Variants in LRRTM4 observed in about 807,000 individuals in gnomAD.
LRRTM4 encodes leucine-rich repeat transmembrane neuronal protein 4.
LRRTM4 carries 25 observed loss-of-function variants against 47.6 expected under a neutral mutation model. That is an observed-to-expected ratio of 0.53 (90% CI 0.38 to 0.73). The LOEUF is 0.73. Among genes scored for constraint, LRRTM4 ranks in the 30% least tolerant of loss-of-function variants. The pLI, the probability that LRRTM4 is intolerant of heterozygous loss-of-function variation, is 0.00. For missense variants in LRRTM4, 638 were observed against 713.4 expected (o/e 0.89, Z 1.20); for synonymous variants, 311 against 269.5 (o/e 1.15, Z -1.51).
At chr2:76,956,896 A>T (rs1675693172) in intron 3 of LRRTM4, among the ~76,000 whole-genome samples, 1 of 151,526 alleles carries the variant, frequency 6.6e-6, no homozygotes, top group Non-Finnish European at 1.5e-5. Flanking sequence ...TTACAAAGAA[A>T]ATTCTTAGCA....
chr2:76,813,919 G>C (rs148626064), intron 3 of LRRTM4, among the ~76,000 whole-genome samples: 1 of 151,270 alleles, frequency 6.6e-6, no homozygotes, highest in Admixed American at 6.6e-5. Context: ...ATTAAGTAAA[G>C]TTCATTTATA....
intron 3 of LRRTM4, among the ~76,000 whole-genome samples, chr2:76,770,435 T>C (rs758914952): frequency 2.0e-4 from 31 of 152,238 alleles, no homozygotes; most frequent in Admixed American, 6.5e-4. Flanking sequence ...CTTTCTGGAG[T>C]AGTGTAATGT....
intron 3 of LRRTM4, chr2:77,009,189 A>G (rs1453929910): frequency 6.6e-6 from 1 of 152,070 alleles, no homozygotes; most frequent in East Asian, 1.9e-4. Context: ...TTTATAGACA[A>G]CTCATGGACC....
chr2:76,852,531 A>AT (rs1281884838), intron 3 of LRRTM4, among the ~76,000 whole-genome samples: 1 of 152,084 alleles, frequency 6.6e-6, no homozygotes, highest in Admixed American at 6.6e-5. Flanking sequence ...CCTTGGATGC[A>AT]TTTTGCTATT....
intron 3 of LRRTM4, among the ~76,000 whole-genome samples, chr2:77,130,040 T>C (rs1359661701): frequency 6.6e-6 from 1 of 152,210 alleles, no homozygotes. Flanking sequence ...TGTGACATAC[T>C]AGGCTTAATC....
intron 3 of LRRTM4, among the ~76,000 whole-genome samples, chr2:77,050,275 A>G (rs1193662642): frequency 6.6e-6 from 1 of 152,046 alleles, no homozygotes; most frequent in Admixed American, 6.6e-5. Flanking sequence ...GGCAACCATG[A>G]GCTGGAGGTA....
chr2:76,979,136 A>T (rs1159878794), intron 3 of LRRTM4, among the ~76,000 whole-genome samples: 1 of 152,028 alleles, frequency 6.6e-6, no homozygotes, highest in African/African-American at 2.4e-5. Flanking sequence ...GAGTAATATA[A>T]AGATTCTAGC....
At chr2:77,185,061 C>A (rs1673463096) in intron 3 of LRRTM4, among the ~76,000 whole-genome samples, 1 of 152,250 alleles carries the variant, frequency 6.6e-6, no homozygotes, top group African/African-American at 2.4e-5. Context: ...ATTAATACTT[C>A]TGGCCTTTAC....
intron 3 of LRRTM4, among the ~76,000 whole-genome samples, chr2:76,843,115 A>G (rs547757395): frequency 3.9e-4 from 59 of 152,286 alleles, no homozygotes; most frequent in Middle Eastern, 6.8e-3. Flanking sequence ...TCCAAGTGAC[A>G]AACAGTTGAT....
At chr2:76,937,693 T>C (rs1258778190) in intron 3 of LRRTM4, among the ~76,000 whole-genome samples, 1 of 152,090 alleles carries the variant, frequency 6.6e-6, no homozygotes, top group Non-Finnish European at 1.5e-5. Context: ...CTCAGCCTCC[T>C]GAGTAGCTGG....
intron 3 of LRRTM4, among the ~76,000 whole-genome samples, chr2:77,093,722 A>G (rs1670722567): frequency 1.3e-5 from 2 of 151,952 alleles, no homozygotes; most frequent in Non-Finnish European, 2.9e-5. Flanking sequence ...TTGCACATAT[A>G]CGCCCAGATG....
At position 77,470,256 on chromosome 2, in the gene LRRTM4, A is replaced by G. The variant is rs546551725; in HGVS notation, c.1551+48062T>C. On this transcript the variant is annotated intron_variant, in intron 3 of 3. Transcript: ENST00000409884. Reference sequence around the variant, plus strand: ...TCCAAATAGTCCAGCTTTTCCCTTAAGAGCTAAGGATTAAGAGCCATATAT... The same window carrying G: ...TCCAAATAGTCCAGCTTTTCCCTTAGGAGCTAAGGATTAAGAGCCATATAT... Among the ~76,000 whole-genome samples, 96 of 152,298 alleles carry G rather than the reference A, an allele frequency of 6.3e-4. 2 individuals carry two copies. In the South Asian group the frequency reaches 0.02, roughly 31 times the overall value.
intron 3 of LRRTM4, among the ~76,000 whole-genome samples, chr2:77,159,370 C>A (rs79243451): frequency 6.6e-6 from 1 of 151,788 alleles, no homozygotes; most frequent in Non-Finnish European, 1.5e-5. Context: ...TTAAGAAAAT[C>A]GTTGGTTGGG....
intron 3 of LRRTM4, among the ~76,000 whole-genome samples, chr2:76,856,964 G>T (rs894730137): frequency 6.6e-6 from 1 of 151,648 alleles, no homozygotes; most frequent in Non-Finnish European, 1.5e-5. Context: ...TACAACAATG[G>T]TTTATCAATT....
At chr2:77,425,015 G>T (rs1191691845) in intron 3 of LRRTM4, among the ~76,000 whole-genome samples, 1 of 152,172 alleles carries the variant, frequency 6.6e-6, no homozygotes, top group Non-Finnish European at 1.5e-5. Context: ...TCTTGAGGAT[G>T]ATTAAGCATG....
intron 3 of LRRTM4, among the ~76,000 whole-genome samples, chr2:77,011,223 A>C (rs1677859825): frequency 1.3e-5 from 2 of 152,300 alleles, no homozygotes; most frequent in South Asian, 4.1e-4. Context: ...TTCAACATGT[A>C]ATCACATATA....
rs1311647672 is a variant in LRRTM4, at chr2:77,019,253, C to CCA, written c.1552-270338_1552-270337insTG. On this transcript the variant is annotated intron_variant, in intron 3 of 3. Transcript: ENST00000409884. ...GGATACTAAGCTTGTCACTGCTCTACAAAAAAAAAAAAAAAAAAAAAAATA... is the reference window on the plus strand; with the variant it reads ...GGATACTAAGCTTGTCACTGCTCTACCAAAAAAAAAAAAAAAAAAAAAAAATA... 1.1e-4 allele frequency among the ~76,000 whole-genome samples: 9 copies of CCA among 80,530 alleles called. No individual in the cohort carries two copies. In the South Asian group the frequency reaches 1.4e-3, roughly 13 times the overall value. 52.8% of individuals were successfully genotyped at this position (80,530 alleles called of 152,430 possible). A position where few individuals can be genotyped will look rare whatever the true frequency, so the allele number is the denominator to read the frequency against.
At chr2:77,005,236 C>A (rs993952395) in intron 3 of LRRTM4, among the ~76,000 whole-genome samples, 19 of 152,086 alleles carry the variant, frequency 1.2e-4, no homozygotes, top group African/African-American at 4.3e-4. Context: ...CCTCTGCTGC[C>A]CTGGTTCAAG....
At chr2:77,411,706 G>A (rs1305039217) in intron 3 of LRRTM4, among the ~76,000 whole-genome samples, 4 of 139,626 alleles carry the variant, frequency 2.9e-5, no homozygotes, top group African/African-American at 5.5e-5. Context: ...TCCTGACCTC[G>A]TGATCTGCCT....
Sources: allele counts gnomAD v4.1 joint callset (sites outside exome capture counted in the v4.1 genomes callset), GRCh38; gene constraint gnomAD v4.1.1; transcripts MANE v1.5; gene names NCBI Gene and HGNC (gene_info 2026-07-23, HGNC 2026-07-21).